The following RGS3 variants were observed in gnomAD, a reference collection of about 807,000 sequenced individuals.
The protein encoded by RGS3 is regulator of G protein signaling 3, also known as regulator of G-protein signalling 3.
RGS3 carries 80 observed loss-of-function variants against 132.6 expected under a neutral mutation model. The ratio of observed to expected loss-of-function variants is 0.60; its 90% CI spans 0.50 to 0.73. The LOEUF (loss-of-function observed/expected upper bound fraction) is 0.73. Among genes scored for constraint, RGS3 ranks in the 30% least tolerant of loss-of-function variants. RGS3 has a pLI of 0.00. For synonymous variants in RGS3, 598 were observed against 620.6 expected (o/e 0.96, Z 0.54); for missense variants, 1,382 against 1,530.8 (o/e 0.90, Z 1.62).
intron 20 of RGS3, among the ~76,000 whole-genome samples, chr9:113,587,720 G>C (rs1260169742): frequency 6.6e-6 from 1 of 152,204 alleles, no homozygotes; most frequent in Non-Finnish European, 1.5e-5. Flanking sequence ...CTGTGAGTAG[G>C]AATGTCAGAA....
intron 19 of RGS3, among the ~76,000 whole-genome samples, chr9:113,553,454 AAAAAAATATATATATAT>A (rs1229577942): frequency 2.2e-4 from 23 of 106,786 alleles, no homozygotes; most frequent in African/African-American, 8.7e-4. Flanking sequence ...AAAAAAAAAA[AAAAAAATATATATATAT>A]ATATATATAT....
intron 18 of RGS3, among the ~76,000 whole-genome samples, chr9:113,530,819 C>G (rs77514197): frequency 3.9e-5 from 6 of 152,208 alleles, no homozygotes; most frequent in Admixed American, 3.9e-4. Flanking sequence ...AGAAGCCTCT[C>G]TCTTCTCTTA....
intron 10 of RGS3, chr9:113,501,779 G>A: frequency 1.1e-6 from 1 of 871,924 alleles, no homozygotes; most frequent in Non-Finnish European, 1.8e-6. Context: ...GGAGGATAGA[G>A]ACAGGAGCTG....
At chr9:113,501,486 T>C (rs1337151797) in intron 10 of RGS3, 79 of 1,513,928 alleles carry the variant, frequency 5.2e-5, no homozygotes, top group Non-Finnish European at 6.5e-5. Context: ...CCCAGGGTGC[T>C]CATGCCAGGC....
intron 3 of RGS3, among the ~76,000 whole-genome samples, chr9:113,474,410 G>A (rs781567645): frequency 3.9e-5 from 6 of 152,128 alleles, no homozygotes; most frequent in African/African-American, 7.2e-5. Context: ...GTTTCCCAGC[G>A]CCACTGCAGC....
In RGS3 at chr9:113,507,275, C is replaced by T. The variant is rs1467476245; in HGVS notation, c.1086-12C>T. 1 of 1,593,304 alleles carries T rather than the reference C, an allele frequency of 6.3e-7. No homozygotes were observed. The highest frequency in any genetic ancestry group is 2.2e-5 in the East Asian group (1 of 44,668). On this transcript the variant is annotated splice_polypyrimidine_tract_variant and intron_variant, in intron 12 of 24. Transcript: ENST00000350696. This position sits in a 1 kb window ranked among gnomAD's most constrained non-coding sequence, Gnocchi z 5.0. ...CAGGCTCAACCTGTCTGTGTGATCC[C>T]CCACCTTCCAGGAGCTGCCCCAGTG...
chr9:113,575,369 C>T (rs948216697), intron 19 of RGS3, among the ~76,000 whole-genome samples: 2 of 152,170 alleles, frequency 1.3e-5, no homozygotes, highest in South Asian at 2.1e-4. Flanking sequence ...GGTGCACTCC[C>T]TGCTGTGGTG....
At position 113,579,653 on chromosome 9, in the gene RGS3, G is replaced by A. The variant is rs184629607; in HGVS notation, c.2038-3797G>A. ...CAACAGCTGTCTCACTGGGTCCCCA[G>A]CTGCCTGTACTTCCTCTATCAGAGC... On this transcript the variant is annotated intron_variant, in intron 19 of 24. Coordinates refer to ENST00000350696, the Ensembl canonical transcript of RGS3. This position sits in a 1 kb window ranked among gnomAD's most constrained non-coding sequence, Gnocchi z 4.3. 4.5e-3 allele frequency among the ~76,000 whole-genome samples: 689 copies of A among 152,306 alleles called. 2 individuals are homozygous for A. The highest frequency in any genetic ancestry group is 0.015 in the African/African-American group (628 of 41,556).
rs755568392 is a variant in RGS3 at position 113,594,914 on chromosome 9, C to T, written c.3183-5C>T. ...CCTCACTGTGTTTCCTCCCTCACCC[C>T]TCAGGCCCACCTCAGAGGAAGCCCT... On this transcript the variant is annotated splice_polypyrimidine_tract_variant and splice_region_variant and intron_variant, in intron 22 of 24. Transcript: ENST00000350696. 1 of 1,613,956 alleles carries T rather than the reference C, an allele frequency of 6.2e-7. No homozygotes were observed. Among genetic ancestry groups the T allele is most frequent in the Non-Finnish European group, 8.5e-7 (1 of 1,179,892 alleles).
chr9:113,583,715 A>G, exon 20 of RGS3: 1 of 1,613,942 alleles, frequency 6.2e-7, no homozygotes, highest in Non-Finnish European at 8.5e-7. Flanking sequence ...CCACCATGCC[A>G]GGAACCCCCT....
intron 19 of RGS3, among the ~76,000 whole-genome samples, chr9:113,555,429 G>A (rs1833528673): frequency 6.6e-6 from 1 of 151,896 alleles, no homozygotes; most frequent in South Asian, 2.1e-4. Flanking sequence ...TACCTCCTAG[G>A]TATTGTTATA....
chr9:113,482,085 C>CA (rs1222400172), intron 4 of RGS3, among the ~76,000 whole-genome samples: 2 of 150,032 alleles, frequency 1.3e-5, no homozygotes. Context: ...AACAAACAAA[C>CA]AAAAAAATCC....
rs929033044 is a variant in RGS3 at position 113,505,536 on chromosome 9, C to T, written c.979+13C>T. ...GCCGTGGATTCCGGTAAGTTATTGACAGGGGGATGCCAACCCCACTTGCCC... is the reference window on the plus strand; with the variant it reads ...GCCGTGGATTCCGGTAAGTTATTGATAGGGGGATGCCAACCCCACTTGCCC... On this transcript the variant is annotated intron_variant, in intron 11 of 24. Transcript: ENST00000350696. 1 of 1,610,602 alleles carries T rather than the reference C, an allele frequency of 6.2e-7. No homozygotes were observed. Among genetic ancestry groups the T allele is most frequent in the Non-Finnish European group, 8.5e-7 (1 of 1,176,888 alleles).
chr9:113,569,082 TG>T (rs1339800265), intron 19 of RGS3, among the ~76,000 whole-genome samples: 1 of 152,234 alleles, frequency 6.6e-6, no homozygotes, highest in Non-Finnish European at 1.5e-5. Flanking sequence ...CTGCCCTCCA[TG>T]GGCCAGCCCG....
At chr9:113,569,936 A>G (rs969688178) in intron 19 of RGS3, among the ~76,000 whole-genome samples, 9 of 152,100 alleles carry the variant, frequency 5.9e-5, no homozygotes, top group Admixed American at 4.6e-4. Context: ...ATCCCAGTCT[A>G]TCCACCCCTC....
At chr9:113,575,245 C>T (rs1393371363) in intron 19 of RGS3, among the ~76,000 whole-genome samples, 1 of 152,134 alleles carries the variant, frequency 6.6e-6, no homozygotes, top group Non-Finnish European at 1.5e-5. Context: ...AGGGGGCCCT[C>T]GTGTCTCCTC....
chr9:113,478,917 A>T (rs115383099), intron 3 of RGS3: 1 of 155,654 alleles, frequency 6.4e-6, no homozygotes, highest in African/African-American at 2.4e-5. Flanking sequence ...ATACTATTCC[A>T]TATACAGCTA....
chr9:113,452,875 G>A, intron 1 of RGS3, among the ~76,000 whole-genome samples: 1 of 128,878 alleles, frequency 7.8e-6, no homozygotes, highest in Non-Finnish European at 1.6e-5. Flanking sequence ...ACCTCTAGTT[G>A]TTCAATTGGG....
chr9:113,505,499 GTTC>G, exon 11 of RGS3: 1 of 1,614,228 alleles, frequency 6.2e-7, no homozygotes, highest in Non-Finnish European at 8.5e-7. Flanking sequence ...CGACTCTCCA[GTTC>G]GAGTCCAGGC....
Sources: allele counts gnomAD v4.1 joint callset (sites outside exome capture counted in the v4.1 genomes callset), GRCh38; gene constraint gnomAD v4.1.1; non-coding constraint Gnocchi (gnomAD v3.1); transcripts MANE v1.5; gene names NCBI Gene and HGNC (gene_info 2026-07-23, HGNC 2026-07-21).